The following PLEKHO1 variants were observed in gnomAD, a reference collection of about 807,000 sequenced individuals.
PLEKHO1 encodes pleckstrin homology domain containing O1.
PLEKHO1 carries 22 observed loss-of-function variants against 41.4 expected under a neutral mutation model. That is an observed-to-expected ratio of 0.53 (90% CI 0.38 to 0.76). The LOEUF (loss-of-function observed/expected upper bound fraction) is 0.76. Ranked by LOEUF, PLEKHO1 falls within the 30% of genes least tolerant of loss-of-function variation. The probability of loss-of-function intolerance (pLI) is 0.00; values close to 1 mark genes in which losing one functional copy is unlikely to be tolerated. For missense variants in PLEKHO1, 488 were observed against 518.3 expected, an observed-to-expected ratio of 0.94 and a Z score of 0.57; for synonymous variants, 225 against 210.8, an observed-to-expected ratio of 1.07 and a Z score of -0.58.
At chr1:150,157,304 G>C in intron 4 of PLEKHO1, 81 bp from the exon 5 acceptor site, 1 of 1,023,818 alleles carries the variant, frequency 9.8e-7, no homozygotes, top group East Asian at 2.4e-5. Flanking sequence ...AATGGAGTGG[G>C]CACATGTTCA....
chr1:150,159,588 G>A lies in PLEKHO1; in HGVS notation c.*65G>A, dbSNP rs955094146. The A allele has an allele frequency of 2.8e-5, 31 of 1,106,908 alleles. No individual in the cohort carries two copies. The African/African-American group carries it at 4.6e-4, about 16-fold the overall frequency. 68.6% of individuals were successfully genotyped at this position (1,106,908 alleles called of 1,614,324 possible). On this transcript the variant is annotated 3_prime_UTR_variant, in exon 6 of 6. Transcript: ENST00000369124. ...TCTTATCTCCGTGTTGCTGGATAAA[G>A]CTTTTTTATTTACCTCAATCAAAAA... is the stretch of plus-strand genomic sequence containing the variant.
At chr1:150,153,203 T>C (rs1004875671) in intron 2 of PLEKHO1, among the ~76,000 whole-genome samples, 4 of 152,168 alleles carry the variant, frequency 2.6e-5, no homozygotes, top group Admixed American at 6.5e-5. Flanking sequence ...GTTTTGTTTT[T>C]TAGAGACAGG....
intron 1 of PLEKHO1, 59 bp downstream of exon 1, chr1:150,150,346 T>G: frequency 1.2e-6 from 1 of 864,408 alleles, no homozygotes; most frequent in Non-Finnish European, 1.4e-6. Context: ...CGACCCCCGC[T>G]CCGTCGGCGC....
rs781863904 is a variant in PLEKHO1 at position 150,156,081 on chromosome 1, A to C, written c.193A>C (p.Asn65His). The change falls in exon 3 of 6, where the codon AAT becomes CAT. Residue 65 changes from asparagine to histidine, a missense_variant. Physicochemically the swap from Asn to His is moderately conservative, Grantham distance 68 (BLOSUM62 1). Around this residue, in one of 3 missense-constraint regions of PLEKHO1, gnomAD observed 92 missense variants for 82.3 expected, o/e 1.12. Coordinates refer to ENST00000369124, the MANE Select transcript of PLEKHO1 (RefSeq NM_016274.6). ...ISEKEVKDEK[N>H]IQEVFDLSDY... Reference sequence around the variant, plus strand: ...CCTCCCCTAGGTAAAAGATGAGAAAAATATTCAAGAGGTATTTGACCTGAG... The same window carrying C: ...CCTCCCCTAGGTAAAAGATGAGAAACATATTCAAGAGGTATTTGACCTGAG... 3.7e-6 allele frequency: 6 copies of C among 1,613,346 alleles called. No individual in the cohort carries two copies. The South Asian group carries it at 6.6e-5, about 18-fold the overall frequency.
At chr1:150,157,218 G>C (rs1052668822) in intron 4 of PLEKHO1, 167 bp from the exon 5 acceptor site, 17 of 710,370 alleles carry the variant, frequency 2.4e-5, no homozygotes, top group Non-Finnish European at 4.3e-5. Context: ...GCTTCATGAT[G>C]GGGGAGCCAG....
intron 4 of PLEKHO1, 112 bp from the exon 5 acceptor site, chr1:150,157,273 C>T (rs1660211879): frequency 1.2e-6 from 1 of 850,078 alleles, no homozygotes; most frequent in Non-Finnish European, 2.0e-6. Context: ...AGTAAATCCC[C>T]TTGCCCATTC....
At position 150,159,298 on chromosome 1, in the gene PLEKHO1, G is replaced by T. The variant is rs782707037; in HGVS notation, c.1005G>T (p.Lys335Asn). The change falls in exon 6 of 6, where the codon AAG (lysine) becomes AAT (asparagine). Residue 335 changes from lysine (K) to asparagine (N), a missense_variant. By Grantham distance (94) the Lys-to-Asn change is moderately conservative. Coordinates refer to ENST00000369124, the MANE Select transcript of PLEKHO1 (RefSeq NM_016274.6). ...AGGGACTGGGAGATGGGAAGCGAAA[G>T]GCCAAGGACCCCCCTCGGTCTCCGC... Reference protein sequence around the residue: ...EVQGLGDGKRKAKDPPRSPPD... With the variant: ...EVQGLGDGKRNAKDPPRSPPD... The T allele has an allele frequency of 4.3e-6, 7 of 1,614,036 alleles. No individual in the cohort carries two copies. In the Admixed American group the frequency reaches 1.2e-4, roughly 27 times the overall value.
rs1337702180 is a variant in PLEKHO1 at position 150,150,265 on chromosome 1, A to G, written c.8A>G (p.Lys3Arg). The G allele has an allele frequency of 8.9e-7, 1 of 1,118,200 alleles. No homozygotes were observed. The highest frequency in any genetic ancestry group is 2.6e-5 in the South Asian group (1 of 38,884). 69.3% of individuals were successfully genotyped at this position (1,118,200 alleles called of 1,614,324 possible). MMKKNNSAKRGPQ... is the reference protein window; with the variant it reads MMRKNNSAKRGPQ... The stretch of plus-strand genomic sequence containing the variant: ...CGCCCGCGCCCGCTGGGAATGATGA[A>G]GAAGAACAATTCCGCCAAGCGGGTG... The change falls in exon 1 of 6, where the codon AAG becomes AGG. Residue 3 changes from lysine (K) to arginine (R), a missense_variant. Lys to Arg is a conservative substitution (Grantham distance 26). Around this residue, in one of 3 missense-constraint regions of PLEKHO1, gnomAD observed 92 missense variants for 82.3 expected, o/e 1.12. Transcript: ENST00000369124.
intron 2 of PLEKHO1, chr1:150,155,585 G>A: frequency 6.5e-6 from 1 of 153,528 alleles, no homozygotes; most frequent in Non-Finnish European, 1.4e-5. Flanking sequence ...TGAGTGGGGA[G>A]GCCAGAGACC....
In PLEKHO1 at chr1:150,156,924, T is replaced by C; in HGVS notation, c.332T>C (p.Ile111Thr). 1 of 1,612,410 alleles carries C rather than the reference T, an allele frequency of 6.2e-7. No individual in the cohort carries two copies. The highest frequency in any genetic ancestry group is 8.5e-7 in the Non-Finnish European group (1 of 1,178,448). The change falls in exon 4 of 6, where the codon ATC (isoleucine) becomes ACC (threonine). Residue 111 changes from isoleucine to threonine, a missense_variant. Ile to Thr is a moderately conservative substitution (Grantham distance 89). This residue lies in a region of PLEKHO1 where 59 missense variants were observed against 111.5 expected (regional missense o/e 0.53). Coordinates refer to ENST00000369124, the MANE Select transcript of PLEKHO1 (RefSeq NM_016274.6). Reference sequence around the variant, plus strand: ...TTCCCCTCACAGGCACCCAACCTGATCTTCCTGGCAGTGAGTCCAGAAGAG... The same window carrying C: ...TTCCCCTCACAGGCACCCAACCTGACCTTCCTGGCAGTGAGTCCAGAAGAG... Reference protein sequence around the residue: ...KQPGNTAPNLIFLAVSPEEKE... With the variant: ...KQPGNTAPNLTFLAVSPEEKE...
intron 3 of PLEKHO1, 70 bp downstream of exon 3, chr1:150,156,276 C>A: frequency 7.6e-7 from 1 of 1,318,950 alleles, no homozygotes; most frequent in Non-Finnish European, 1.1e-6. Flanking sequence ...AGAACTCCTT[C>A]CCCTCAGTTT....
chr1:150,153,826 C>T (rs973721443), intron 2 of PLEKHO1: 1 of 151,976 alleles, frequency 6.6e-6, no homozygotes, highest in Non-Finnish European at 1.5e-5. Flanking sequence ...AAATCCCTTT[C>T]TATAGTCAAG....
chr1:150,159,756 C>A lies in PLEKHO1; in HGVS notation c.*233C>A, dbSNP rs996365786. ...CGCAGCAGTAGCAGGAAGTTTTTAC[C>A]CAGCCAGAGAGAGAGAAGGCACGGT... On this transcript the variant is annotated 3_prime_UTR_variant, in exon 6 of 6. Coordinates refer to ENST00000369124, the MANE Select transcript of PLEKHO1 (RefSeq NM_016274.6). The A allele has an allele frequency of 1.3e-5, 6 of 455,766 alleles. No individual in the cohort carries two copies. In the Admixed American group the frequency reaches 2.1e-4, roughly 16 times the overall value. The allele number at this position is 455,766 out of a possible 1,614,324, so 28.2% of individuals were successfully genotyped here. A position where few individuals can be genotyped will look rare whatever the true frequency, so the allele number is the denominator to read the frequency against.
rs587650872 is a variant in PLEKHO1, at chr1:150,152,086, C to T, written c.177+1028C>T. 2.0e-5 allele frequency among the ~76,000 whole-genome samples: 3 copies of T among 152,294 alleles called. No homozygotes were observed. In the East Asian group the frequency reaches 5.8e-4, roughly 29 times the overall value. ...GAGTTCTAACCTCTTCTGCTTTCTG[C>T]AGTAGACATCCTTATTCAGTAGATT... On this transcript the variant is annotated intron_variant, in intron 2 of 5. Coordinates refer to ENST00000369124, the MANE Select transcript of PLEKHO1 (RefSeq NM_016274.6).
intron 5 of PLEKHO1, among the ~76,000 whole-genome samples, chr1:150,157,731 A>T (rs1571950731): frequency 6.6e-6 from 1 of 152,326 alleles, no homozygotes; most frequent in East Asian, 1.9e-4. Flanking sequence ...AATGAGTTAT[A>T]CCCACAGGAA....
At chr1:150,157,125 G>GCT (rs1326666400) in intron 4 of PLEKHO1, 110 bp downstream of exon 4, 2 of 759,478 alleles carry the variant, frequency 2.6e-6, no homozygotes, top group Non-Finnish European at 4.7e-6. Flanking sequence ...TCCTCCACCA[G>GCT]CTCTACTTCT....
Position 150,151,067 on chromosome 1 carries a change from C to G in PLEKHO1, c.177+9C>G, listed in dbSNP as rs782121103. 2.7e-5 allele frequency: 43 copies of G among 1,613,654 alleles called. No homozygotes were observed. Among genetic ancestry groups the G allele is most frequent in the Admixed American group, 5.0e-5 (3 of 60,004 alleles). On this transcript the variant is annotated intron_variant, in intron 2 of 5. Coordinates refer to ENST00000369124, the MANE Select transcript of PLEKHO1 (RefSeq NM_016274.6). ...ACATCTCTGAGAAGGAGGTGGGTGC[C>G]TCTTGCCTCTAACTCTCCGTTTTCT...
chr1:150,158,749 C>G lies in PLEKHO1; in HGVS notation c.526-70C>G, dbSNP rs782612947. On this transcript the variant is annotated intron_variant, in intron 5 of 5. Transcript: ENST00000369124. ...AGAGGAAAATGACCACAGCTTGCATCTTTTAGGCAGTCATTCCGAAAATCC... is the reference window on the plus strand; with the variant it reads ...AGAGGAAAATGACCACAGCTTGCATGTTTTAGGCAGTCATTCCGAAAATCC... 1.1e-4 allele frequency: 115 copies of G among 1,063,134 alleles called. No homozygotes were observed. In the Middle Eastern group the frequency reaches 1.3e-3, roughly 12 times the overall value. The allele number at this position is 1,063,134 out of a possible 1,614,324, so 65.9% of individuals were successfully genotyped here. A position where few individuals can be genotyped will look rare whatever the true frequency, so the allele number is the denominator to read the frequency against.
intron 2 of PLEKHO1, chr1:150,154,905 C>T (rs1160624244): frequency 1.3e-5 from 2 of 152,194 alleles, no homozygotes; most frequent in South Asian, 2.1e-4. Context: ...AACTTTGGTC[C>T]TTGCTAGCCA....
Sources: gnomAD v4.1 joint callset for allele counts (sites outside exome capture counted in the v4.1 genomes callset) on GRCh38, gnomAD v4.1.1 for gene constraint, gnomAD v4.1.1 regional missense constraint, MANE v1.5 for transcripts, NCBI Gene and HGNC (gene_info 2026-07-23, HGNC 2026-07-21) for gene names.